CREB5: variants seen among roughly 807,000 people sequenced by gnomAD.
CREB5 encodes cAMP responsive element binding protein 5, also known as cyclic AMP-responsive element-binding protein 5.
In CREB5, 19 loss-of-function variants were observed where a neutral mutation model predicts 57.1. The observed-to-expected ratio is 0.33, with a 90% CI of 0.23 to 0.49. CREB5 has a LOEUF of 0.49. CREB5 is among the 20% of genes least tolerant of loss of function. CREB5 has a pLI of 0.99. For synonymous variants in CREB5, 238 were observed against 238.3 expected (o/e 1.00, Z 0.01); for missense variants, 579 against 671.6 (o/e 0.86, Z 1.52).
At chr7:28,531,879 A>C (rs904331062) in intron 4 of CREB5, among the ~76,000 whole-genome samples, 3 of 151,990 alleles carry the variant, frequency 2.0e-5, no homozygotes, top group Admixed American at 6.6e-5. Flanking sequence ...AATACAAAAA[A>C]TTAGCCGGGT....
At chr7:28,560,879 C>CGCGCGTGCGCGCGTGCGTGTGT (rs1795131480) in intron 4 of CREB5, among the ~76,000 whole-genome samples, 2 of 22,060 alleles carry the variant, frequency 9.1e-5, no homozygotes, top group African/African-American at 2.5e-4. Flanking sequence ...CGTGCGCGTG[C>CGCGCGTGCGCGCGTGCGTGTGT]GTGCGTGCGT....
chr7:28,420,569 G>A (rs1317539034), intron 1 of CREB5, among the ~76,000 whole-genome samples: 1 of 152,168 alleles, frequency 6.6e-6, no homozygotes, highest in East Asian at 1.9e-4. Context: ...CACTTTGGGA[G>A]GCCAAGGCAG....
chr7:28,328,688 T>A lies in CREB5; in HGVS notation c.-25+29247T>A, dbSNP rs188059544. Among the ~76,000 whole-genome samples the A allele has an allele frequency of 2.0e-5, 3 of 152,358 alleles. No homozygotes were observed. The East Asian group carries it at 5.8e-4, about 29-fold the overall frequency. ...CATATACCGTCATTAGGCACTCTGCTTCTGGGAAGTGGTTCTCAAACTTAT... is the reference window on the plus strand; with the variant it reads ...CATATACCGTCATTAGGCACTCTGCATCTGGGAAGTGGTTCTCAAACTTAT... On this transcript the variant is annotated intron_variant, in intron 1 of 9. Coordinates refer to the CREB5 transcript ENST00000396299.
intron 1 of CREB5, among the ~76,000 whole-genome samples, chr7:28,315,225 G>C (rs1394100520): frequency 6.6e-6 from 1 of 152,130 alleles, no homozygotes; most frequent in Non-Finnish European, 1.5e-5. Context: ...CCACCAACAG[G>C]GACTACAGCA....
intron 5 of CREB5, among the ~76,000 whole-genome samples, chr7:28,624,302 C>G: frequency 6.6e-6 from 1 of 152,142 alleles, no homozygotes; most frequent in South Asian, 2.1e-4. Flanking sequence ...TATACTTGAG[C>G]CTATCTATGT....
chr7:28,457,636 C>T (rs990701387), intron 1 of CREB5, among the ~76,000 whole-genome samples: 3 of 152,116 alleles, frequency 2.0e-5, no homozygotes, highest in Non-Finnish European at 4.4e-5. Context: ...GAGATACATG[C>T]AGAAAAGTTT....
At chr7:28,764,224 GTTCT>G (rs1290499600) in intron 7 of CREB5, among the ~76,000 whole-genome samples, 1 of 151,998 alleles carries the variant, frequency 6.6e-6, no homozygotes, top group African/African-American at 2.4e-5. Context: ...ACACCCCTAG[GTTCT>G]TTAATGTTCT....
intron 1 of CREB5, among the ~76,000 whole-genome samples, chr7:28,440,771 A>G (rs895156861): frequency 6.6e-6 from 1 of 152,166 alleles, no homozygotes; most frequent in Non-Finnish European, 1.5e-5. Flanking sequence ...ACTGCACACA[A>G]GACAGGGTTT....
intron 1 of CREB5, among the ~76,000 whole-genome samples, chr7:28,436,403 C>T (rs888085271): frequency 4.6e-5 from 7 of 152,148 alleles, no homozygotes; most frequent in Non-Finnish European, 5.9e-5. Context: ...TTCCCTCCCC[C>T]GACCATGTTT....
intron 5 of CREB5, among the ~76,000 whole-genome samples, chr7:28,595,562 A>T (rs1325228378): frequency 6.6e-6 from 1 of 152,190 alleles, no homozygotes; most frequent in Non-Finnish European, 1.5e-5. Context: ...TGATATAGCA[A>T]GTACCCCACT....
intron 1 of CREB5, among the ~76,000 whole-genome samples, chr7:28,348,547 A>C (rs7811973): frequency 0.01 from 1,571 of 152,270 alleles, 22 homozygotes; most frequent in African/African-American, 0.036. Context: ...TATTATTATT[A>C]GCTATTACTA....
In CREB5 at chr7:28,635,118, A is replaced by G. The variant is rs796172800; in HGVS notation, c.464+64581A>G. Among the ~76,000 whole-genome samples the G allele has an allele frequency of 3.3e-5, 5 of 152,320 alleles. 1 individual carries two copies. Among genetic ancestry groups the G allele is most frequent in the African/African-American group, 1.2e-4 (5 of 41,564 alleles). Reference sequence around the variant, plus strand: ...ATTATGTCCCATACCACTTCTAGTTAGTAGAGAAGCTAGGAGGCCAAAGGC... The same window carrying G: ...ATTATGTCCCATACCACTTCTAGTTGGTAGAGAAGCTAGGAGGCCAAAGGC... On this transcript the variant is annotated intron_variant, in intron 5 of 10. Coordinates refer to ENST00000357727, the MANE Select transcript of CREB5 (RefSeq NM_182898.4).
chr7:28,559,969 G>A (rs375963068), intron 4 of CREB5, among the ~76,000 whole-genome samples: 27 of 152,320 alleles, frequency 1.8e-4, no homozygotes, highest in South Asian at 4.1e-4. Flanking sequence ...GGGAGGTGAC[G>A]TTTAAGATGA....
At chr7:28,798,390 C>T (rs979474732) in intron 7 of CREB5, among the ~76,000 whole-genome samples, 3 of 91,056 alleles carry the variant, frequency 3.3e-5, no homozygotes, top group Admixed American at 9.8e-5. Flanking sequence ...GGGTGTGCTG[C>T]GTGTGTGCAC....
chr7:28,398,126 G>T (rs973864867), intron 1 of CREB5, among the ~76,000 whole-genome samples: 3 of 152,056 alleles, frequency 2.0e-5, no homozygotes, highest in African/African-American at 4.8e-5. Context: ...TTGGATCTGG[G>T]ATTTGAACTC....
chr7:28,423,477 TG>T (rs1788361422), intron 1 of CREB5, among the ~76,000 whole-genome samples: 1 of 152,082 alleles, frequency 6.6e-6, no homozygotes, highest in African/African-American at 2.4e-5. Context: ...CAAGAGATGA[TG>T]GGGGCTTGAG....
At chr7:28,556,806 G>A (rs1002884504) in intron 4 of CREB5, among the ~76,000 whole-genome samples, 2 of 152,122 alleles carry the variant, frequency 1.3e-5, no homozygotes, top group African/African-American at 2.4e-5. Flanking sequence ...GGCTATGGAG[G>A]CATCACTGCA....
At chr7:28,684,259 C>T (rs1800737192) in intron 5 of CREB5, among the ~76,000 whole-genome samples, 10 of 152,184 alleles carry the variant, frequency 6.6e-5, no homozygotes, top group Admixed American at 6.5e-4. Flanking sequence ...TTTATAACAA[C>T]CACATTTGCC....
chr7:28,460,454 A>G (rs772760135), intron 1 of CREB5, among the ~76,000 whole-genome samples: 2 of 152,190 alleles, frequency 1.3e-5, no homozygotes, highest in African/African-American at 2.4e-5. Flanking sequence ...CCCTGATTAT[A>G]TACCTGGTAA....
Sources: allele counts gnomAD v4.1 joint callset (sites outside exome capture counted in the v4.1 genomes callset), GRCh38; gene constraint gnomAD v4.1.1; transcripts MANE v1.5; gene names NCBI Gene and HGNC (gene_info 2026-07-23, HGNC 2026-07-21).